The following ARHGAP24 variants were observed in gnomAD, a reference collection of about 807,000 sequenced individuals.
ARHGAP24 encodes Rho GTPase activating protein 24.
Under a neutral mutation model 76.4 loss-of-function variants are expected in ARHGAP24, and 50 were observed. The observed-to-expected ratio is 0.65, with a 90% CI of 0.52 to 0.83. The LOEUF (loss-of-function observed/expected upper bound fraction) is 0.83. ARHGAP24 is among the 40% of genes least tolerant of loss of function. The probability of loss-of-function intolerance (pLI) is 0.00; values close to 1 mark genes in which losing one functional copy is unlikely to be tolerated. For synonymous variants in ARHGAP24, 345 were observed against 323.3 expected, an observed-to-expected ratio of 1.07 and a Z score of -0.72; for missense variants, 930 against 914.2, an observed-to-expected ratio of 1.02 and a Z score of -0.22.
chr4:85,557,998 C>T (rs915777184), intron 1 of ARHGAP24, among the ~76,000 whole-genome samples: 6 of 152,182 alleles, frequency 3.9e-5, no homozygotes, highest in African/African-American at 1.2e-4. Flanking sequence ...CTCTGCATAG[C>T]GTCATTTTAC....
chr4:85,592,228 A>T (rs6531839), intron 2 of ARHGAP24, among the ~76,000 whole-genome samples: 77,811 of 152,090 alleles, frequency 0.51, 21,666 homozygotes, highest in Non-Finnish European at 0.64. Flanking sequence ...TGATACAAGT[A>T]TACAAGATGA....
At chr4:85,542,698 A>G (rs1725750651) in intron 1 of ARHGAP24, among the ~76,000 whole-genome samples, 1 of 145,318 alleles carries the variant, frequency 6.9e-6, no homozygotes, top group Non-Finnish European at 1.5e-5. Flanking sequence ...GCATGTATGA[A>G]ATAATTAATG....
At chr4:85,694,213 G>C (rs1331781123) in intron 2 of ARHGAP24, among the ~76,000 whole-genome samples, 2 of 152,098 alleles carry the variant, frequency 1.3e-5, no homozygotes, top group African/African-American at 4.8e-5. Context: ...TGTGCATCTA[G>C]TCAGCCATCT....
At chr4:85,554,797 A>C (rs1006840984) in intron 1 of ARHGAP24, among the ~76,000 whole-genome samples, 4 of 150,952 alleles carry the variant, frequency 2.6e-5, no homozygotes, top group African/African-American at 9.8e-5. Context: ...CAGCCTCCTG[A>C]GTAGCTGGGA....
At chr4:85,677,687 G>A (rs1047416519) in intron 2 of ARHGAP24, among the ~76,000 whole-genome samples, 1 of 152,192 alleles carries the variant, frequency 6.6e-6, no homozygotes, top group African/African-American at 2.4e-5. Context: ...CACCTAGTCT[G>A]TTTAGGTCAG....
rs74363751 is a variant in ARHGAP24 at position 85,833,214 on chromosome 4, C to T, written c.269-90434C>T. Among the ~76,000 whole-genome samples the T allele has an allele frequency of 9.0e-3, 1,367 of 152,216 alleles. 18 individuals carry two copies. Among genetic ancestry groups the T allele is most frequent in the African/African-American group, 0.031 (1,285 of 41,510 alleles). On this transcript the variant is annotated intron_variant, in intron 3 of 9. Transcript: ENST00000395184. ...TCTGCAGATTTCTGATCTCTGACTT[C>T]CATTGATATGACAATGGAATGACAC...
At chr4:85,666,817 G>T (rs59319439) in intron 2 of ARHGAP24, among the ~76,000 whole-genome samples, 1 of 152,070 alleles carries the variant, frequency 6.6e-6, no homozygotes, top group South Asian at 2.1e-4. Flanking sequence ...GCAGATTTTC[G>T]TGAACCGCGA....
chr4:85,612,821 A>G (rs866036510), intron 2 of ARHGAP24, among the ~76,000 whole-genome samples: 43 of 65,114 alleles, frequency 6.6e-4, no homozygotes, highest in Admixed American at 1.6e-3. Flanking sequence ...TTTTGTGGCA[A>G]TCTCGCTGTG....
intron 3 of ARHGAP24, among the ~76,000 whole-genome samples, chr4:85,729,016 T>C (rs1489307271): frequency 6.6e-6 from 1 of 152,224 alleles, no homozygotes; most frequent in Non-Finnish European, 1.5e-5. Flanking sequence ...TGCTTAGGCA[T>C]TTAATTTTAC....
chr4:85,849,475 CA>C (rs1180351924), intron 3 of ARHGAP24, among the ~76,000 whole-genome samples: 2 of 152,186 alleles, frequency 1.3e-5, no homozygotes, highest in Non-Finnish European at 2.9e-5. Context: ...CCAGAACTTC[CA>C]ACACTATTTT....
chr4:85,648,424 A>G (rs1560568635), intron 2 of ARHGAP24, among the ~76,000 whole-genome samples: 1 of 152,142 alleles, frequency 6.6e-6, no homozygotes, highest in Admixed American at 6.6e-5. Context: ...AAACAAATCA[A>G]AAGATTTACA....
At chr4:85,845,581 A>G (rs1363770117) in intron 3 of ARHGAP24, among the ~76,000 whole-genome samples, 2 of 152,154 alleles carry the variant, frequency 1.3e-5, no homozygotes, top group African/African-American at 2.4e-5. Context: ...TGCCTTTTAT[A>G]TTCCCTGTTC....
chr4:85,740,495 C>A (rs1725781586), intron 3 of ARHGAP24, among the ~76,000 whole-genome samples: 1 of 152,116 alleles, frequency 6.6e-6, no homozygotes, highest in Admixed American at 6.6e-5. Flanking sequence ...AGGGGTGAGT[C>A]ACCCCACCCA....
intron 1 of ARHGAP24, among the ~76,000 whole-genome samples, chr4:85,563,493 T>G (rs144836328): frequency 7.7e-4 from 118 of 152,324 alleles, no homozygotes; most frequent in Admixed American, 5.7e-3. Context: ...TCTCTTCTTA[T>G]AAGGGCACTA....
chr4:85,643,128 A>G lies in ARHGAP24; in HGVS notation c.180+72407A>G, dbSNP rs147804106. Among the ~76,000 whole-genome samples, 566 of 151,976 alleles carry G rather than the reference A, an allele frequency of 3.7e-3. 4 individuals carry two copies. Among genetic ancestry groups the G allele is most frequent in the African/African-American group, 0.013 (528 of 41,432 alleles). ...ACATGTTACTTTCTTAAGGAAAGTG[A>G]CATGTATCGGGATCTCACCACTAAA... On this transcript the variant is annotated intron_variant, in intron 2 of 9. Transcript: ENST00000395184.
At chr4:85,553,815 C>T (rs2101120) in intron 1 of ARHGAP24, among the ~76,000 whole-genome samples, 125,451 of 152,182 alleles carry the variant, frequency 0.82, 54,104 homozygotes, top group East Asian at 0.98. Context: ...CCATTTACAT[C>T]CAGCATTAAT....
chr4:85,932,937 C>T (rs1250821145), intron 4 of ARHGAP24, among the ~76,000 whole-genome samples: 18 of 152,140 alleles, frequency 1.2e-4, no homozygotes, highest in Non-Finnish European at 2.6e-4. Flanking sequence ...GCTCTTGCTG[C>T]AGTCATCACT....
intron 2 of ARHGAP24, among the ~76,000 whole-genome samples, chr4:85,587,353 G>A (rs949795788): frequency 6.6e-6 from 1 of 152,174 alleles, no homozygotes; most frequent in Non-Finnish European, 1.5e-5. Flanking sequence ...ATAGAGATAA[G>A]TTGTGGCTTC....
intron 3 of ARHGAP24, among the ~76,000 whole-genome samples, chr4:85,751,554 T>TTTTG (rs1412315517): frequency 2.0e-5 from 3 of 152,216 alleles, no homozygotes; most frequent in African/African-American, 4.8e-5. Flanking sequence ...CTCAGCCCAA[T>TTTTG]TTTGTTTGTT....
Sources: gnomAD v4.1 joint callset for allele counts (sites outside exome capture counted in the v4.1 genomes callset) on GRCh38, gnomAD v4.1.1 for gene constraint, MANE v1.5 for transcripts, NCBI Gene and HGNC (gene_info 2026-07-23, HGNC 2026-07-21) for gene names.